ZNF704: variants seen among roughly 807,000 people sequenced by gnomAD.
The protein encoded by ZNF704 is glucocorticoid induced gene 1.
ZNF704 carries 10 observed loss-of-function variants against 44.7 expected under a neutral mutation model. That is an observed-to-expected ratio of 0.22 (90% CI 0.14 to 0.38). The LOEUF is 0.38. Ranked by LOEUF, ZNF704 falls within the 10% of genes least tolerant of loss-of-function variation. ZNF704 has a pLI of 1.00. For missense variants in ZNF704, 390 were observed against 545.5 expected (o/e 0.71, Z 2.84); for synonymous variants, 211 against 207.6 (o/e 1.02, Z -0.14).
chr8:80,698,572 T>A (rs796170259), intron 2 of ZNF704, among the ~76,000 whole-genome samples: 6 of 152,218 alleles, frequency 3.9e-5, no homozygotes, highest in African/African-American at 1.4e-4. Flanking sequence ...AAGGTTGGGG[T>A]GATGCTATCA....
intron 2 of ZNF704, among the ~76,000 whole-genome samples, chr8:80,801,793 C>T (rs756583152): frequency 1.2e-4 from 18 of 151,854 alleles, no homozygotes; most frequent in Non-Finnish European, 2.2e-4. Flanking sequence ...CAAACCCCAA[C>T]GCTAGCAGAA....
intron 1 of ZNF704, among the ~76,000 whole-genome samples, chr8:80,842,386 G>T (rs1393009175): frequency 6.6e-6 from 1 of 152,182 alleles, no homozygotes; most frequent in Non-Finnish European, 1.5e-5. Context: ...CCTTTACTGA[G>T]AATTAGTCTG....
At chr8:80,785,596 CTACTT>C (rs1273259610) in intron 2 of ZNF704, among the ~76,000 whole-genome samples, 2 of 152,166 alleles carry the variant, frequency 1.3e-5, no homozygotes, top group Non-Finnish European at 2.9e-5. Context: ...CCATCCAATA[CTACTT>C]TACTTTGTTG....
chr8:80,659,100 C>T (rs768277905), intron 7 of ZNF704, among the ~76,000 whole-genome samples: 1 of 152,154 alleles, frequency 6.6e-6, no homozygotes, highest in African/African-American at 2.4e-5. Flanking sequence ...TATTTTAGCA[C>T]TCATTTAGTT....
intron 4 of ZNF704, among the ~76,000 whole-genome samples, chr8:80,676,407 C>T (rs1459909673): frequency 6.6e-6 from 1 of 152,058 alleles, no homozygotes; most frequent in Non-Finnish European, 1.5e-5. Flanking sequence ...AGGAGAGCAG[C>T]GCCAATACAC....
intron 8 of ZNF704, 91 bp from the exon 9 acceptor site, chr8:80,641,568 G>GT: frequency 3.4e-5 from 18 of 527,862 alleles, no homozygotes; most frequent in South Asian, 4.5e-5. Flanking sequence ...GAGTGAGGGA[G>GT]GAAAAAAAAA....
chr8:80,853,769 G>A (rs541749144), intron 1 of ZNF704, among the ~76,000 whole-genome samples: 1 of 152,142 alleles, frequency 6.6e-6, no homozygotes, highest in Admixed American at 6.6e-5. Context: ...TCCTAAACAA[G>A]TATTTTTATT....
At chr8:80,753,442 C>T (rs1806981916) in intron 2 of ZNF704, among the ~76,000 whole-genome samples, 1 of 150,382 alleles carries the variant, frequency 6.6e-6, no homozygotes, top group Non-Finnish European at 1.5e-5. Flanking sequence ...CTTTCTGCCA[C>T]TTGGACAAAA....
At chr8:80,725,487 G>A (rs1196995407) in intron 2 of ZNF704, among the ~76,000 whole-genome samples, 3 of 152,076 alleles carry the variant, frequency 2.0e-5, no homozygotes, top group Non-Finnish European at 4.4e-5. Flanking sequence ...ACATGGACAC[G>A]AAAACACAAA....
rs182139930 is a variant in ZNF704, at chr8:80,704,896, C to T, written c.222-11789G>A. Among the ~76,000 whole-genome samples, 979 of 152,292 alleles carry T rather than the reference C, an allele frequency of 6.4e-3. 4 individuals are homozygous for T. The highest frequency in any genetic ancestry group is 0.02 in the Middle Eastern group (6 of 294). Reference sequence around the variant, plus strand: ...GGGCAGCTCTAGCAAATTAATCAAACCTGAGGAGGGTGTCCTGGGAACCCT... The same window carrying T: ...GGGCAGCTCTAGCAAATTAATCAAATCTGAGGAGGGTGTCCTGGGAACCCT... On this transcript the variant is annotated intron_variant, in intron 2 of 8. Transcript: ENST00000327835.
intron 2 of ZNF704, among the ~76,000 whole-genome samples, chr8:80,740,551 C>T (rs547029416): frequency 6.6e-6 from 1 of 152,276 alleles, no homozygotes; most frequent in Admixed American, 6.5e-5. Context: ...ACCCAACAGA[C>T]AGTGGAGGTC....
chr8:80,839,695 A>C (rs553370426), intron 1 of ZNF704, among the ~76,000 whole-genome samples: 16 of 152,346 alleles, frequency 1.1e-4, no homozygotes, highest in African/African-American at 3.6e-4. Context: ...GAGATGGCTC[A>C]AAAGAAGAAT....
chr8:80,800,439 G>A (rs768049677), intron 2 of ZNF704, among the ~76,000 whole-genome samples: 1 of 152,254 alleles, frequency 6.6e-6, no homozygotes, highest in African/African-American at 2.4e-5. Flanking sequence ...ACAAAGGGAA[G>A]CCCATCAGAC....
the ZNF704 span, among the ~76,000 whole-genome samples, chr8:80,880,254 C>T: frequency 1.8e-4 from 27 of 152,304 alleles, no homozygotes; most frequent in African/African-American, 6.0e-4. Context: ...TTCTGGATGG[C>T]CCAGTCCGAA....
intron 2 of ZNF704, among the ~76,000 whole-genome samples, chr8:80,757,443 A>AAACT (rs1563543097): frequency 1.3e-5 from 2 of 152,168 alleles, no homozygotes; most frequent in African/African-American, 4.8e-5. Context: ...TGTTATTAAA[A>AAACT]GAGTCAAAAA....
chr8:80,678,191 T>G lies in ZNF704; in HGVS notation c.559-7588A>C, dbSNP rs569003289. Reference sequence around the variant, plus strand: ...GTGATTAGAAAACAATGTTGCATCCTAGAGATATAGAAAGTTGCTGTGGAT... The same window carrying G: ...GTGATTAGAAAACAATGTTGCATCCGAGAGATATAGAAAGTTGCTGTGGAT... On this transcript the variant is annotated intron_variant, in intron 4 of 8. Transcript: ENST00000327835. Among the ~76,000 whole-genome samples the G allele has an allele frequency of 4.6e-5, 7 of 152,324 alleles. No homozygotes were observed. The South Asian group carries it at 1.5e-3, about 32-fold the overall frequency.
At chr8:80,814,733 A>C (rs191099560) in intron 2 of ZNF704, among the ~76,000 whole-genome samples, 1 of 152,334 alleles carries the variant, frequency 6.6e-6, no homozygotes, top group East Asian at 1.9e-4. Context: ...ATATTTTAAA[A>C]TGGTAAAGTG....
At chr8:80,867,190 C>A (rs535790996) in intron 1 of ZNF704, among the ~76,000 whole-genome samples, 1 of 152,292 alleles carries the variant, frequency 6.6e-6, no homozygotes, top group East Asian at 1.9e-4. Flanking sequence ...CCTTGGAAAG[C>A]TCACAGGGAG....
chr8:80,749,256 T>C (rs1806900825), intron 2 of ZNF704, among the ~76,000 whole-genome samples: 2 of 151,284 alleles, frequency 1.3e-5, no homozygotes, highest in South Asian at 4.2e-4. Context: ...GAGATACTCC[T>C]GCCTCAGCCT....
Sources: allele counts gnomAD v4.1 joint callset (sites outside exome capture counted in the v4.1 genomes callset), GRCh38; gene constraint gnomAD v4.1.1; transcripts MANE v1.5; gene names NCBI Gene and HGNC (gene_info 2026-07-23, HGNC 2026-07-21).